ME1: variants seen among roughly 807,000 people sequenced by gnomAD.
ME1 encodes the protein malic enzyme 1, also known as NADP-dependent malic enzyme.
A neutral mutation model predicts 66.4 loss-of-function variants in ME1; 74 were observed. The observed-to-expected ratio is 1.11, with a 90% CI of 0.92 to 1.35. The LOEUF (loss-of-function observed/expected upper bound fraction) is 1.35. ME1 is among the 40% of genes most tolerant of loss of function. The probability of loss-of-function intolerance (pLI) is 0.00; values close to 1 mark genes in which losing one functional copy is unlikely to be tolerated. For synonymous variants in ME1, 251 were observed against 235.6 expected, an observed-to-expected ratio of 1.07 and a Z score of -0.60; for missense variants, 750 against 694.1, an observed-to-expected ratio of 1.08 and a Z score of -0.90.
At chr6:83,367,976 G>A (rs1007163539) in intron 3 of ME1, among the ~76,000 whole-genome samples, 6 of 152,158 alleles carry the variant, frequency 3.9e-5, no homozygotes, top group African/African-American at 1.4e-4. Context: ...TGAGAGATGT[G>A]TGACTCTTCC....
intron 1 of ME1, among the ~76,000 whole-genome samples, chr6:83,416,535 C>T (rs1022460930): frequency 6.6e-6 from 1 of 152,152 alleles, no homozygotes; most frequent in Non-Finnish European, 1.5e-5. Context: ...ACATCTTTTT[C>T]ACAAACTCTA....
chr6:83,345,958 T>C (rs1175133243), intron 5 of ME1, among the ~76,000 whole-genome samples: 1 of 152,068 alleles, frequency 6.6e-6, no homozygotes, highest in Non-Finnish European at 1.5e-5. Flanking sequence ...CATAAGGCAC[T>C]AGGGAAGCAA....
chr6:83,220,706 G>A (rs1790076460), intron 12 of ME1, among the ~76,000 whole-genome samples: 2 of 152,208 alleles, frequency 1.3e-5, no homozygotes, highest in South Asian at 2.1e-4. Context: ...GGTAGTGAAC[G>A]TTTGTGGTAT....
chr6:83,225,572 CTTT>C (rs1246311722), intron 11 of ME1, among the ~76,000 whole-genome samples: 4 of 151,920 alleles, frequency 2.6e-5, no homozygotes, highest in Non-Finnish European at 5.9e-5. Flanking sequence ...ATTCAACCTT[CTTT>C]GAGAGACAAA....
At chr6:83,329,061 T>C (rs1768356697) in intron 5 of ME1, among the ~76,000 whole-genome samples, 1 of 152,202 alleles carries the variant, frequency 6.6e-6, no homozygotes. Flanking sequence ...TCTCACCTTG[T>C]TTTTGTCTCC....
chr6:83,422,052 C>CA (rs1375601031), intron 1 of ME1, among the ~76,000 whole-genome samples: 5 of 152,056 alleles, frequency 3.3e-5, no homozygotes, highest in South Asian at 2.1e-4. Context: ...CTCATGGAAA[C>CA]AAAAAATATC....
intron 6 of ME1, among the ~76,000 whole-genome samples, chr6:83,288,192 C>A (rs1767432234): frequency 6.6e-6 from 1 of 152,048 alleles, no homozygotes; most frequent in Non-Finnish European, 1.5e-5. Context: ...GCTTTTGTTA[C>A]CATTGCTTTT....
chr6:83,278,582 T>C (rs1767233138), intron 6 of ME1, among the ~76,000 whole-genome samples: 1 of 151,950 alleles, frequency 6.6e-6, no homozygotes, highest in Non-Finnish European at 1.5e-5. Context: ...ACTGTGATTA[T>C]GGATGCTTGC....
At chr6:83,378,276 C>T (rs1163846013) in intron 3 of ME1, among the ~76,000 whole-genome samples, 1 of 151,746 alleles carries the variant, frequency 6.6e-6, no homozygotes, top group Non-Finnish European at 1.5e-5. Flanking sequence ...ATAGGCAAAG[C>T]TCAATAGGAA....
intron 3 of ME1, among the ~76,000 whole-genome samples, chr6:83,371,774 C>G (rs974013335): frequency 5.3e-5 from 8 of 152,180 alleles, no homozygotes; most frequent in African/African-American, 1.7e-4. Flanking sequence ...ATTTATGCTA[C>G]TACTGAAAAT....
intron 1 of ME1, among the ~76,000 whole-genome samples, chr6:83,429,786 G>A (rs1418117663): frequency 5.3e-5 from 8 of 152,094 alleles, no homozygotes; most frequent in Non-Finnish European, 1.2e-4. Flanking sequence ...TCAGGAACAC[G>A]ACAAGGAAAA....
At chr6:83,339,960 T>TA (rs1768544236) in intron 5 of ME1, among the ~76,000 whole-genome samples, 1 of 134,808 alleles carries the variant, frequency 7.4e-6, no homozygotes, top group African/African-American at 2.8e-5. Context: ...CCCTAAAACT[T>TA]AGAGTATAAT....
rs70987737 is a variant in ME1, at chr6:83,237,302, A to AAAAGAAAGAAAGAAAG, written c.1026+414_1026+415insCTTTCTTTCTTTCTTT. Among the ~76,000 whole-genome samples the AAAAGAAAGAAAGAAAG allele has an allele frequency of 9.4e-5, 7 of 74,274 alleles. 1 individual carries two copies. Among genetic ancestry groups the AAAAGAAAGAAAGAAAG allele is most frequent in the African/African-American group, 4.3e-4 (7 of 16,142 alleles). 48.7% of individuals were successfully genotyped at this position (74,274 alleles called of 152,430 possible). A position where few individuals can be genotyped will look rare whatever the true frequency, so the allele number is the denominator to read the frequency against. On this transcript the variant is annotated intron_variant, in intron 9 of 13. Transcript: ENST00000369705. ...AAGGAAGGAAGGAAGGAAAGAAAGAAAAAGAAAGAAAGAAAAGGAAGGAAA... is the reference window on the plus strand; with the variant it reads ...AAGGAAGGAAGGAAGGAAAGAAAGAAAAAGAAAGAAAGAAAGAAAGAAAGAAAGAAAAGGAAGGAAA...
chr6:83,301,994 C>T (rs529517753), intron 6 of ME1, among the ~76,000 whole-genome samples: 2 of 152,236 alleles, frequency 1.3e-5, no homozygotes, highest in African/African-American at 2.4e-5. Flanking sequence ...GACACATGCA[C>T]ATGCACACGT....
chr6:83,406,410 G>C (rs551383861), intron 2 of ME1, among the ~76,000 whole-genome samples: 1 of 152,248 alleles, frequency 6.6e-6, no homozygotes, highest in South Asian at 2.1e-4. Context: ...AATGGTACCA[G>C]CTCCTCTTTA....
chr6:83,374,953 A>G (rs1457721401), intron 3 of ME1, among the ~76,000 whole-genome samples: 1 of 152,082 alleles, frequency 6.6e-6, no homozygotes, highest in Non-Finnish European at 1.5e-5. Flanking sequence ...CCATTGGTCT[A>G]TGTGTCTGTT....
At chr6:83,232,079 C>T (rs1235432354) in intron 9 of ME1, among the ~76,000 whole-genome samples, 1 of 152,084 alleles carries the variant, frequency 6.6e-6, no homozygotes, top group Non-Finnish European at 1.5e-5. Context: ...TTCCACAGCC[C>T]AGGATAGGAA....
chr6:83,218,746 G>A (rs1053186142), intron 12 of ME1, among the ~76,000 whole-genome samples: 7 of 152,180 alleles, frequency 4.6e-5, no homozygotes, highest in South Asian at 4.1e-4. Context: ...TTTCTCCAAC[G>A]TATTTGAAGA....
At chr6:83,288,629 G>C (rs1320787626) in intron 6 of ME1, among the ~76,000 whole-genome samples, 1 of 152,144 alleles carries the variant, frequency 6.6e-6, no homozygotes, top group Non-Finnish European at 1.5e-5. Flanking sequence ...GACTGTATTG[G>C]TTATGCAGGC....
Sources: gnomAD v4.1 joint callset for allele counts (sites outside exome capture counted in the v4.1 genomes callset) on GRCh38, gnomAD v4.1.1 for gene constraint, MANE v1.5 for transcripts, NCBI Gene and HGNC (gene_info 2026-07-23, HGNC 2026-07-21) for gene names.